The following PPFIA2 variants were observed in gnomAD, a reference collection of about 807,000 sequenced individuals.
PPFIA2 encodes liprin-alpha-2.
In PPFIA2, 46 loss-of-function variants were observed where a neutral mutation model predicts 175.5. The observed-to-expected ratio is 0.26, with a 90% CI of 0.21 to 0.34. The LOEUF is 0.34. Ranked by LOEUF, PPFIA2 falls within the 10% of genes least tolerant of loss-of-function variation. The pLI is 1.00. For missense variants in PPFIA2, 1,179 were observed against 1,506.1 expected, an observed-to-expected ratio of 0.78 and a Z score of 3.60; for synonymous variants, 568 against 511.4, an observed-to-expected ratio of 1.11 and a Z score of -1.49.
chr12:81,401,733 A>C (rs4144506), intron 8 of PPFIA2, among the ~76,000 whole-genome samples: 141,839 of 152,148 alleles, frequency 0.93, 66,262 homozygotes, highest in East Asian at 1. Flanking sequence ...ATTATTATAA[A>C]CTTTACAAGA....
rs1173372169 is a variant in PPFIA2 at position 81,362,867 on chromosome 12, A to G, written c.1546-83T>C. On this transcript the variant is annotated intron_variant, in intron 14 of 32. Transcript: ENST00000549396. ...AAATGAGTCTTAATGATTTTTTTTA[A>G]AAAGGAAAAACTGAGGATATATTTT... 17 of 837,220 alleles carry G rather than the reference A, an allele frequency of 2.0e-5. No individual in the cohort carries two copies. In the Admixed American group the frequency reaches 3.4e-4, roughly 17 times the overall value. 51.9% of individuals were successfully genotyped at this position (837,220 alleles called of 1,614,324 possible). A position where few individuals can be genotyped will look rare whatever the true frequency, so the allele number is the denominator to read the frequency against.
intron 8 of PPFIA2, among the ~76,000 whole-genome samples, chr12:81,399,287 T>TCA (rs2041719789): frequency 1.2e-5 from 1 of 82,232 alleles, no homozygotes; most frequent in Non-Finnish European, 2.1e-5. Context: ...ATATCCTTCT[T>TCA]CACAAAAAAA....
At chr12:81,573,702 C>G (rs1398667332) in intron 4 of PPFIA2, among the ~76,000 whole-genome samples, 1 of 151,894 alleles carries the variant, frequency 6.6e-6, no homozygotes, top group Non-Finnish European at 1.5e-5. Context: ...CCAAAGAGAA[C>G]AGCATGTCTT....
At chr12:81,300,033 T>G (rs1231567626) in intron 22 of PPFIA2, among the ~76,000 whole-genome samples, 1 of 152,184 alleles carries the variant, frequency 6.6e-6, no homozygotes, top group Non-Finnish European at 1.5e-5. Flanking sequence ...ATCACTACTG[T>G]TTTAATGAAA....
At chr12:81,535,642 T>TAC (rs138463393) in intron 4 of PPFIA2, 26,121 of 319,504 alleles carry the variant, frequency 0.082, 1,297 homozygotes, top group African/African-American at 0.1. Flanking sequence ...AACACACACA[T>TAC]ACACACACAC....
At chr12:81,557,133 G>C (rs535871287) in intron 4 of PPFIA2, among the ~76,000 whole-genome samples, 2 of 151,510 alleles carry the variant, frequency 1.3e-5, no homozygotes, top group African/African-American at 4.8e-5. Flanking sequence ...TTTTACTGAA[G>C]TGTATTTCTC....
intron 28 of PPFIA2, among the ~76,000 whole-genome samples, chr12:81,271,737 C>T (rs2039172348): frequency 6.6e-6 from 1 of 152,050 alleles, no homozygotes; most frequent in Non-Finnish European, 1.5e-5. Flanking sequence ...CTTCCTTTTG[C>T]ATTATAGTTA....
chr12:81,450,644 T>C (rs1339142417), intron 5 of PPFIA2, among the ~76,000 whole-genome samples: 1 of 152,200 alleles, frequency 6.6e-6, no homozygotes, highest in Non-Finnish European at 1.5e-5. Context: ...TTTAGTTTAA[T>C]TAGATCCCAT....
intron 4 of PPFIA2, among the ~76,000 whole-genome samples, chr12:81,664,538 C>A (rs2069693739): frequency 6.6e-6 from 1 of 152,020 alleles, no homozygotes; most frequent in Non-Finnish European, 1.5e-5. Context: ...CAGGAAACAA[C>A]AGGTGCTGGA....
At chr12:81,450,542 CT>C (rs2052347670) in intron 5 of PPFIA2, among the ~76,000 whole-genome samples, 1 of 152,004 alleles carries the variant, frequency 6.6e-6, no homozygotes, top group Non-Finnish European at 1.5e-5. Flanking sequence ...GATATTAGCC[CT>C]TTGTCAGATG....
intron 22 of PPFIA2, chr12:81,302,766 T>G: frequency 2.4e-6 from 1 of 413,930 alleles, no homozygotes; most frequent in Non-Finnish European, 4.9e-6. Context: ...TGCCTTGCAT[T>G]ATTATTTTTA....
chr12:81,566,390 G>A (rs2071287618), intron 4 of PPFIA2, among the ~76,000 whole-genome samples: 2 of 151,902 alleles, frequency 1.3e-5, no homozygotes, highest in Admixed American at 6.5e-5. Context: ...TAGGCTTGGT[G>A]GTGGGTGCCT....
At chr12:81,287,153 A>C (rs1431409140) in intron 24 of PPFIA2, among the ~76,000 whole-genome samples, 1 of 151,854 alleles carries the variant, frequency 6.6e-6, no homozygotes, top group Non-Finnish European at 1.5e-5. Context: ...TGATTACCTG[A>C]GAAGAAATTC....
intron 4 of PPFIA2, among the ~76,000 whole-genome samples, chr12:81,664,825 G>T (rs1271706266): frequency 6.6e-6 from 1 of 152,018 alleles, no homozygotes; most frequent in African/African-American, 2.4e-5. Flanking sequence ...AAGAAAATGT[G>T]GCACATATAC....
At chr12:81,454,292 A>C (rs1339092101) in intron 5 of PPFIA2, among the ~76,000 whole-genome samples, 1 of 152,150 alleles carries the variant, frequency 6.6e-6, no homozygotes, top group East Asian at 1.9e-4. Context: ...TTTGCATCAC[A>C]TGTGAATTGT....
intron 3 of PPFIA2, among the ~76,000 whole-genome samples, chr12:81,679,360 T>G (rs901107282): frequency 6.6e-6 from 1 of 151,904 alleles, no homozygotes; most frequent in Non-Finnish European, 1.5e-5. Context: ...GATATAAATT[T>G]TAATGAAGCT....
intron 4 of PPFIA2, among the ~76,000 whole-genome samples, chr12:81,577,367 A>T (rs986060925): frequency 2.6e-5 from 4 of 151,882 alleles, no homozygotes; most frequent in African/African-American, 9.7e-5. Context: ...TGTGCACAGT[A>T]TTAGCAAGTA....
intron 11 of PPFIA2, among the ~76,000 whole-genome samples, chr12:81,371,722 G>T (rs2035145925): frequency 6.6e-6 from 1 of 151,626 alleles, no homozygotes; most frequent in Non-Finnish European, 1.5e-5. Flanking sequence ...CCTTGCTAAA[G>T]GAATATGCAT....
chr12:81,265,913 G>A (rs1161635252), intron 30 of PPFIA2, among the ~76,000 whole-genome samples: 1 of 152,170 alleles, frequency 6.6e-6, no homozygotes, highest in Non-Finnish European at 1.5e-5. Context: ...ATAATTTCTA[G>A]TAAGGATTTA....
Sources: allele counts gnomAD v4.1 joint callset (sites outside exome capture counted in the v4.1 genomes callset), GRCh38; gene constraint gnomAD v4.1.1; transcripts MANE v1.5; gene names NCBI Gene and HGNC (gene_info 2026-07-23, HGNC 2026-07-21).